The following PDE3B variants were observed in gnomAD, a reference collection of about 807,000 sequenced individuals.
PDE3B encodes phosphodiesterase 3B, also known as cGMP-inhibited 3',5'-cyclic phosphodiesterase 3B.
Under a neutral mutation model 116.8 loss-of-function variants are expected in PDE3B, and 66 were observed. That is an observed-to-expected ratio of 0.56 (90% CI 0.46 to 0.69). The LOEUF (loss-of-function observed/expected upper bound fraction) is 0.69, where lower values mean the gene tolerates loss of function less well. Ranked by LOEUF, PDE3B falls within the 30% of genes least tolerant of loss-of-function variation. The pLI, the probability that PDE3B is intolerant of heterozygous loss-of-function variation, is 0.00. For synonymous variants in PDE3B, 595 were observed against 533.6 expected (o/e 1.12, Z -1.59); for missense variants, 1,384 against 1,368.1 (o/e 1.01, Z -0.18).
At position 14,781,060 on chromosome 11, in the gene PDE3B, C is replaced by A. The variant is rs1006655439; in HGVS notation, c.1030-5377C>A. On this transcript the variant is annotated intron_variant, in intron 2 of 15. Coordinates refer to ENST00000282096, the MANE Select transcript of PDE3B (RefSeq NM_000922.4). ...CCCCTAAGCAAATAAACTAGAAAAT[C>A]TAGAAGAAATGGATAAATTCCTCGA... 4.6e-5 allele frequency among the ~76,000 whole-genome samples: 7 copies of A among 152,180 alleles called. No individual in the cohort carries two copies. The South Asian group carries it at 1.0e-3, about 23-fold the overall frequency.
chr11:14,674,684 C>T (rs964729438), intron 1 of PDE3B: 1 of 209,856 alleles, frequency 4.8e-6, no homozygotes, highest in Non-Finnish European at 9.6e-6. Context: ...ATGAGGGTAA[C>T]AACTAATTAA....
chr11:14,711,098 A>G (rs540110013), intron 1 of PDE3B, among the ~76,000 whole-genome samples: 62 of 152,208 alleles, frequency 4.1e-4, no homozygotes, highest in Non-Finnish European at 7.3e-4. Flanking sequence ...TATTATTTCT[A>G]GTGATGCTAT....
intron 12 of PDE3B, among the ~76,000 whole-genome samples, chr11:14,851,604 A>G (rs893260834): frequency 1.8e-4 from 27 of 152,140 alleles, no homozygotes; most frequent in African/African-American, 6.5e-4. Flanking sequence ...TGATTTCCAG[A>G]GGTAACTTTC....
chr11:14,827,792 C>T (rs1859745155), intron 7 of PDE3B, among the ~76,000 whole-genome samples: 1 of 152,068 alleles, frequency 6.6e-6, no homozygotes, highest in Non-Finnish European at 1.5e-5. Context: ...CAATGAAATT[C>T]ATCACAAAAC....
At chr11:14,841,102 C>T (rs961958764) in intron 11 of PDE3B, among the ~76,000 whole-genome samples, 7 of 151,798 alleles carry the variant, frequency 4.6e-5, no homozygotes, top group African/African-American at 1.5e-4. Flanking sequence ...AGCAGATAAC[C>T]CTCCATAAGG....
intron 1 of PDE3B, among the ~76,000 whole-genome samples, chr11:14,768,095 T>C (rs2133894358): frequency 6.6e-6 from 1 of 151,572 alleles, no homozygotes; most frequent in East Asian, 1.9e-4. Context: ...TATTCCCACA[T>C]TTTTTTCTGA....
chr11:14,758,168 T>G (rs1371376216), intron 1 of PDE3B, among the ~76,000 whole-genome samples: 1 of 152,226 alleles, frequency 6.6e-6, no homozygotes, highest in Non-Finnish European at 1.5e-5. Context: ...TCTATATCTC[T>G]GATTTGGTAC....
chr11:14,789,954 C>T (rs1858333331), intron 4 of PDE3B, among the ~76,000 whole-genome samples: 1 of 151,928 alleles, frequency 6.6e-6, no homozygotes, highest in Non-Finnish European at 1.5e-5. Context: ...TTTTTCTTTA[C>T]TCAGCTTTCT....
chr11:14,684,391 G>T (rs1388987311), intron 1 of PDE3B, among the ~76,000 whole-genome samples: 1 of 152,134 alleles, frequency 6.6e-6, no homozygotes, highest in African/African-American at 2.4e-5. Context: ...GGGGGTACAA[G>T]AACAGGGAGT....
chr11:14,706,924 C>T (rs1378792732), intron 1 of PDE3B, among the ~76,000 whole-genome samples: 1 of 151,726 alleles, frequency 6.6e-6, no homozygotes, highest in Non-Finnish European at 1.5e-5. Context: ...TCAAGATTTC[C>T]CCCTTACTCT....
At chr11:14,684,781 G>A (rs1854818251) in intron 1 of PDE3B, among the ~76,000 whole-genome samples, 1 of 152,144 alleles carries the variant, frequency 6.6e-6, no homozygotes, top group Non-Finnish European at 1.5e-5. Context: ...ATAATTTAGT[G>A]ATATCTTCCC....
At chr11:14,781,513 A>G (rs997068232) in intron 2 of PDE3B, among the ~76,000 whole-genome samples, 1 of 152,208 alleles carries the variant, frequency 6.6e-6, no homozygotes, top group African/African-American at 2.4e-5. Flanking sequence ...AACATACACA[A>G]ATCAATAAAT....
chr11:14,721,615 T>C (rs1856086953), intron 1 of PDE3B, among the ~76,000 whole-genome samples: 1 of 149,322 alleles, frequency 6.7e-6, no homozygotes, highest in Non-Finnish European at 1.5e-5. Context: ...TGAGTTCATG[T>C]CCTTTCTAGG....
intron 1 of PDE3B, among the ~76,000 whole-genome samples, chr11:14,663,412 A>T (rs1854006344): frequency 1.3e-5 from 2 of 152,298 alleles, no homozygotes; most frequent in African/African-American, 4.8e-5. Flanking sequence ...AACGAGCAAA[A>T]TAACCAGCTA....
intron 4 of PDE3B, among the ~76,000 whole-genome samples, chr11:14,799,192 C>T (rs975816451): frequency 1.3e-5 from 2 of 152,136 alleles, no homozygotes; most frequent in Admixed American, 1.3e-4. Context: ...GTTATGTACC[C>T]AGTAGTCATT....
At chr11:14,662,270 A>G (rs2133764456) in intron 1 of PDE3B, among the ~76,000 whole-genome samples, 1 of 152,324 alleles carries the variant, frequency 6.6e-6, no homozygotes, top group African/African-American at 2.4e-5. Flanking sequence ...AGGAAAACTA[A>G]CAAACAGAAA....
the PDE3B span, chr11:14,885,754 A>C: frequency 6.2e-7 from 1 of 1,609,604 alleles, no homozygotes; most frequent in Non-Finnish European, 8.5e-7. Flanking sequence ...GTAAATCACT[A>C]AATAGGTGCA....
At chr11:14,834,636 A>G (rs1274361356) in intron 10 of PDE3B, among the ~76,000 whole-genome samples, 3 of 152,190 alleles carry the variant, frequency 2.0e-5, no homozygotes, top group Non-Finnish European at 4.4e-5. Flanking sequence ...TGTTCTGTGT[A>G]CAAAACTGTT....
At chr11:14,649,457 G>C (rs1403021710) in intron 1 of PDE3B, among the ~76,000 whole-genome samples, 1 of 152,176 alleles carries the variant, frequency 6.6e-6, no homozygotes, top group Non-Finnish European at 1.5e-5. Context: ...GAGATATTTG[G>C]AAAACGGGGA....
Sources: allele counts gnomAD v4.1 joint callset (sites outside exome capture counted in the v4.1 genomes callset), GRCh38; gene constraint gnomAD v4.1.1; transcripts MANE v1.5; gene names NCBI Gene and HGNC (gene_info 2026-07-23, HGNC 2026-07-21).